Variants in ASAH2 observed in about 807,000 individuals in gnomAD.
ASAH2 encodes the protein N-acylsphingosine amidohydrolase 2.
In ASAH2, 58 loss-of-function variants were observed where a neutral mutation model predicts 82.9. The ratio of observed to expected loss-of-function variants is 0.70; its 90% CI spans 0.57 to 0.87. The LOEUF is 0.87. Among genes scored for constraint, ASAH2 ranks in the 40% least tolerant of loss-of-function variants. ASAH2 has a pLI of 0.00. For synonymous variants in ASAH2, 276 were observed against 289.7 expected, an observed-to-expected ratio of 0.95 and a Z score of 0.48; for missense variants, 779 against 834.0, an observed-to-expected ratio of 0.93 and a Z score of 0.81.
intron 7 of ASAH2, among the ~76,000 whole-genome samples, chr10:50,219,028 T>C (rs934569165): frequency 1.3e-4 from 20 of 152,312 alleles, no homozygotes; most frequent in Admixed American, 2.6e-4. Flanking sequence ...AAGCACTGAA[T>C]AAACTGTGGT....
At chr10:50,219,065 C>T (rs996821643) in intron 7 of ASAH2, among the ~76,000 whole-genome samples, 2 of 152,142 alleles carry the variant, frequency 1.3e-5, no homozygotes, top group African/African-American at 4.8e-5. Context: ...ACCAAAGACA[C>T]AGATGTGAAC....
At chr10:50,206,486 C>T (rs915452646) in intron 12 of ASAH2, among the ~76,000 whole-genome samples, 1 of 147,798 alleles carries the variant, frequency 6.8e-6, no homozygotes, top group South Asian at 2.2e-4. Flanking sequence ...CTCACAATAC[C>T]AGTTGTCTGA....
intron 16 of ASAH2, among the ~76,000 whole-genome samples, chr10:50,202,000 T>C (rs2133200188): frequency 6.6e-6 from 1 of 152,260 alleles, no homozygotes; most frequent in South Asian, 2.1e-4. Flanking sequence ...TATAATTGAC[T>C]GAAATGCTTA....
chr10:50,238,473 C>T (rs1325598707), intron 4 of ASAH2, among the ~76,000 whole-genome samples: 1 of 152,124 alleles, frequency 6.6e-6, no homozygotes, highest in Non-Finnish European at 1.5e-5. Flanking sequence ...TTCTGTATTC[C>T]TTCTCTTTGG....
At chr10:50,246,655 G>A (rs1846466034) in intron 2 of ASAH2, among the ~76,000 whole-genome samples, 1 of 152,158 alleles carries the variant, frequency 6.6e-6, no homozygotes, top group South Asian at 2.1e-4. Context: ...AATAGTTAAT[G>A]GAGAGCATGT....
chr10:50,201,929 T>C (rs1157963408), intron 16 of ASAH2, among the ~76,000 whole-genome samples: 6 of 152,120 alleles, frequency 3.9e-5, no homozygotes, highest in African/African-American at 1.2e-4. Flanking sequence ...GATATGAAAA[T>C]ATCTGTGGTG....
intron 7 of ASAH2, among the ~76,000 whole-genome samples, chr10:50,225,153 A>G (rs991433904): frequency 5.9e-5 from 9 of 152,216 alleles, no homozygotes; most frequent in African/African-American, 1.9e-4. Context: ...AAGTTACAGC[A>G]GTCAAAATCC....
chr10:50,243,213 G>A lies in ASAH2; in HGVS notation c.499C>T (p.Leu167Phe). ...CTCAAATCACTTACCTCCAGCCTGAGCCTTTGTGATACCATGCCTATGTCG... is the reference window on the plus strand; with the variant it reads ...CTCAAATCACTTACCTCCAGCCTGAACCTTTGTGATACCATGCCTATGTCG... The part of the protein sequence containing the change: ...SIDIGMVSQR[L>F]RLEVLNRLQS... Residue 167 changes from leucine (L) to phenylalanine (F), a missense_variant, in exon 4 of 21, where the codon CTC (leucine) becomes TTC (phenylalanine). By Grantham distance (22) the Leu-to-Phe change is conservative. Transcript: ENST00000682911. 1.2e-6 allele frequency: 2 copies of A among 1,614,014 alleles called. No individual in the cohort carries two copies. The highest frequency in any genetic ancestry group is 1.7e-6 in the Non-Finnish European group (2 of 1,179,954).
intron 15 of ASAH2, among the ~76,000 whole-genome samples, 188 bp from the exon 16 acceptor site, chr10:50,203,112 T>A (rs1845200426): frequency 6.6e-6 from 1 of 152,054 alleles, no homozygotes; most frequent in South Asian, 2.1e-4. Context: ...TGATCACAGT[T>A]GCAGATGTAG....
intron 7 of ASAH2, among the ~76,000 whole-genome samples, chr10:50,226,178 A>G (rs1462006131): frequency 2.6e-5 from 4 of 152,142 alleles, no homozygotes; most frequent in Admixed American, 6.5e-5. Context: ...TGATTAGTTG[A>G]GTACATTATG....
chr10:50,217,277 G>A (rs1241750745), intron 8 of ASAH2, among the ~76,000 whole-genome samples: 1 of 149,438 alleles, frequency 6.7e-6, no homozygotes, highest in African/African-American at 2.5e-5. Context: ...CCCCAGGCTG[G>A]AGTGCAATGG....
In ASAH2 at chr10:50,185,876, A is replaced by AT. The variant is rs1382677050; in HGVS notation, c.*1438dup. 15 of 144,538 alleles carry AT rather than the reference A, an allele frequency of 1.0e-4. No individual in the cohort carries two copies. Among genetic ancestry groups the AT allele is most frequent in the East Asian group, 6.2e-4 (3 of 4,828 alleles). The allele number at this position is 144,538 out of a possible 1,614,324, so 9.0% of individuals were successfully genotyped here. A position where few individuals can be genotyped will look rare whatever the true frequency, so the allele number is the denominator to read the frequency against. On this transcript the variant is annotated 3_prime_UTR_variant, in exon 21 of 21. Transcript: ENST00000682911. Reference sequence around the variant, plus strand: ...AAGTTTATTTTTAAAATACAGATTGATTTTTTTCCCTAAAATGCTAAAGCT... The same window carrying AT: ...AAGTTTATTTTTAAAATACAGATTGATTTTTTTTCCCTAAAATGCTAAAGCT...
intron 16 of ASAH2, among the ~76,000 whole-genome samples, chr10:50,200,858 G>A (rs1845129847): frequency 6.6e-6 from 1 of 152,056 alleles, no homozygotes; most frequent in Non-Finnish European, 1.5e-5. Flanking sequence ...CCCTGGCAAA[G>A]GCCCCACCCT....
At chr10:50,209,773 C>T (rs374486732) in intron 12 of ASAH2, among the ~76,000 whole-genome samples, 5,068 of 152,150 alleles carry the variant, frequency 0.033, 160 homozygotes, top group Middle Eastern at 0.14. Context: ...GTGGTTAATA[C>T]GCACATGAAA....
chr10:50,215,664 T>A (rs1273747830), intron 8 of ASAH2, among the ~76,000 whole-genome samples: 2 of 152,166 alleles, frequency 1.3e-5, no homozygotes, highest in African/African-American at 4.8e-5. Flanking sequence ...TCTATATGTC[T>A]GTTTTGGTAC....
At chr10:50,219,796 T>G (rs1056545700) in intron 7 of ASAH2, among the ~76,000 whole-genome samples, 2 of 152,224 alleles carry the variant, frequency 1.3e-5, no homozygotes, top group Non-Finnish European at 2.9e-5. Flanking sequence ...CCATTGGCTC[T>G]ACGCAGGCAA....
intron 7 of ASAH2, among the ~76,000 whole-genome samples, chr10:50,220,382 C>G (rs1053075819): frequency 6.6e-6 from 1 of 152,054 alleles, no homozygotes; most frequent in African/African-American, 2.4e-5. Context: ...CCTAAATGCC[C>G]GTCAGTGATA....
chr10:50,230,528 G>A (rs1003137419), intron 7 of ASAH2, among the ~76,000 whole-genome samples: 2 of 152,068 alleles, frequency 1.3e-5, no homozygotes, highest in African/African-American at 4.8e-5. Flanking sequence ...TGCAACAAGA[G>A]GCAATTGCAG....
At chr10:50,228,797 G>T (rs936707821) in intron 7 of ASAH2, among the ~76,000 whole-genome samples, 36,552 of 151,758 alleles carry the variant, frequency 0.24, 4,920 homozygotes, top group Non-Finnish European at 0.31. Context: ...AGGAGGAGAA[G>T]CGGGATGAGG....
Sources: allele counts gnomAD v4.1 joint callset (sites outside exome capture counted in the v4.1 genomes callset), GRCh38; gene constraint gnomAD v4.1.1; transcripts MANE v1.5; gene names NCBI Gene and HGNC (gene_info 2026-07-23, HGNC 2026-07-21).